PCSK5: variants seen among roughly 807,000 people sequenced by gnomAD.
The protein encoded by PCSK5 is prohormone convertase 5.
Under a neutral mutation model 233.2 loss-of-function variants are expected in PCSK5, and 129 were observed. The ratio of observed to expected loss-of-function variants is 0.55; its 90% CI spans 0.48 to 0.64. PCSK5 has a LOEUF of 0.64. Among genes scored for constraint, PCSK5 ranks in the 30% least tolerant of loss-of-function variants. The probability of loss-of-function intolerance (pLI) is 0.00; values close to 1 mark genes in which losing one functional copy is unlikely to be tolerated. For synonymous variants in PCSK5, 825 were observed against 879.2 expected (o/e 0.94, Z 1.09); for missense variants, 2,076 against 2,430.1 (o/e 0.85, Z 3.06).
chr9:76,088,042 G>A (rs975945261), intron 7 of PCSK5, among the ~76,000 whole-genome samples: 1 of 152,240 alleles, frequency 6.6e-6, no homozygotes, highest in Non-Finnish European at 1.5e-5. Context: ...AGCATAGAAT[G>A]TGAATAATGA....
At chr9:75,955,471 T>C (rs560095502) in intron 2 of PCSK5, among the ~76,000 whole-genome samples, 2 of 152,276 alleles carry the variant, frequency 1.3e-5, no homozygotes, top group African/African-American at 2.4e-5. Context: ...AAACTTTAGT[T>C]TTAAACTGTA....
intron 35 of PCSK5, among the ~76,000 whole-genome samples, chr9:76,340,639 CAA>C (rs57319222): frequency 1.1e-3 from 101 of 95,336 alleles, no homozygotes; most frequent in Middle Eastern, 6.8e-3. Context: ...ACGAGACTGT[CAA>C]AAAAAAAAAA....
intron 14 of PCSK5, among the ~76,000 whole-genome samples, chr9:76,178,834 A>G (rs1481724484): frequency 6.6e-6 from 1 of 152,230 alleles, no homozygotes; most frequent in Non-Finnish European, 1.5e-5. Flanking sequence ...GTCATTAGAA[A>G]GTTTTTCATC....
chr9:76,137,208 A>G (rs1587674029), intron 10 of PCSK5, among the ~76,000 whole-genome samples: 1 of 152,236 alleles, frequency 6.6e-6, no homozygotes, highest in Non-Finnish European at 1.5e-5. Flanking sequence ...GAACAACTAA[A>G]GAATGTGGCT....
intron 24 of PCSK5, among the ~76,000 whole-genome samples, chr9:76,290,032 C>T (rs1278704442): frequency 1.3e-5 from 2 of 152,166 alleles, no homozygotes; most frequent in Admixed American, 6.5e-5. Context: ...ATGACCAGAA[C>T]ATTAAAGAAC....
At chr9:76,009,289 C>CT (rs1183396120) in intron 3 of PCSK5, among the ~76,000 whole-genome samples, 1 of 151,316 alleles carries the variant, frequency 6.6e-6, no homozygotes, top group Non-Finnish European at 1.5e-5. Context: ...TGGACTAAAA[C>CT]TTTTTTTTTC....
intron 8 of PCSK5, among the ~76,000 whole-genome samples, chr9:76,097,100 T>G (rs539973413): frequency 6.7e-6 from 1 of 148,496 alleles, no homozygotes; most frequent in Admixed American, 6.7e-5. Flanking sequence ...CCCGGCTAAT[T>G]TTTTGTATTT....
At chr9:76,287,204 C>T (rs1446759039) in intron 24 of PCSK5, 1 of 215,690 alleles carries the variant, frequency 4.6e-6, no homozygotes. Context: ...TCATGTGGAC[C>T]TGTAGGCTTC....
chr9:75,992,859 A>T (rs1469392926), intron 3 of PCSK5, among the ~76,000 whole-genome samples: 2 of 152,190 alleles, frequency 1.3e-5, no homozygotes, highest in Admixed American at 6.5e-5. Context: ...AGGAAAAAAA[A>T]TTCATATTTG....
chr9:76,244,388 T>C (rs1826518821), intron 24 of PCSK5, among the ~76,000 whole-genome samples: 1 of 152,154 alleles, frequency 6.6e-6, no homozygotes, highest in South Asian at 2.1e-4. Flanking sequence ...AGATTCCTCC[T>C]GTGAGAAGGG....
intron 24 of PCSK5, among the ~76,000 whole-genome samples, chr9:76,256,106 G>C (rs1426933582): frequency 1.3e-5 from 2 of 152,176 alleles, no homozygotes; most frequent in African/African-American, 4.8e-5. Context: ...TACATTCTCT[G>C]TTCCTTAGTT....
At chr9:76,338,709 T>G (rs752522627) in intron 35 of PCSK5, among the ~76,000 whole-genome samples, 4 of 152,146 alleles carry the variant, frequency 2.6e-5, no homozygotes, top group Non-Finnish European at 4.4e-5. Context: ...GTTCGTTCAC[T>G]CATCATTTTC....
At chr9:76,065,390 A>T (rs554545418) in intron 5 of PCSK5, among the ~76,000 whole-genome samples, 1 of 152,072 alleles carries the variant, frequency 6.6e-6, no homozygotes, top group East Asian at 1.9e-4. Context: ...GTGGTGGCTG[A>T]TTTGCATTTC....
chr9:76,351,809 C>T (rs1830175269), intron 36 of PCSK5, among the ~76,000 whole-genome samples: 1 of 151,638 alleles, frequency 6.6e-6, no homozygotes, highest in African/African-American at 2.4e-5. Context: ...GCAATTACAG[C>T]TCATTGCAGC....
intron 24 of PCSK5, among the ~76,000 whole-genome samples, chr9:76,241,673 C>T (rs17720899): frequency 0.11 from 16,514 of 152,190 alleles, 912 homozygotes; most frequent in South Asian, 0.12. Flanking sequence ...GGCACCATTG[C>T]ATTGGCGATA....
intron 3 of PCSK5, among the ~76,000 whole-genome samples, chr9:76,010,131 C>T (rs1827669781): frequency 6.6e-6 from 1 of 152,142 alleles, no homozygotes; most frequent in Non-Finnish European, 1.5e-5. Context: ...ATACAAGGAG[C>T]TGTGGCAGTT....
chr9:76,014,214 G>T (rs550475996), intron 3 of PCSK5, among the ~76,000 whole-genome samples: 1 of 152,170 alleles, frequency 6.6e-6, no homozygotes, highest in South Asian at 2.1e-4. Flanking sequence ...GGTGCTTACT[G>T]CTCATGTTCC....
At chr9:76,222,603 C>G (rs10869737) in intron 20 of PCSK5, among the ~76,000 whole-genome samples, 2 of 151,950 alleles carry the variant, frequency 1.3e-5, no homozygotes, top group Non-Finnish European at 2.9e-5. Flanking sequence ...AATATTCGTG[C>G]TTTTGTGACT....
chr9:76,003,589 A>G (rs1265246409), intron 3 of PCSK5, among the ~76,000 whole-genome samples: 1 of 152,264 alleles, frequency 6.6e-6, no homozygotes, highest in East Asian at 1.9e-4. Flanking sequence ...AGTTCCAGAC[A>G]TTGTGAAAAT....
Sources: gnomAD v4.1 joint callset for allele counts (sites outside exome capture counted in the v4.1 genomes callset) on GRCh38, gnomAD v4.1.1 for gene constraint, MANE v1.5 for transcripts, NCBI Gene and HGNC (gene_info 2026-07-23, HGNC 2026-07-21) for gene names.